Variants in HS6ST3 observed in about 807,000 individuals in gnomAD.
HS6ST3 encodes heparan-sulfate 6-O-sulfotransferase 3.
A neutral mutation model predicts 36.7 loss-of-function variants in HS6ST3; 12 were observed. That is an observed-to-expected ratio of 0.33 (90% CI 0.21 to 0.53). The LOEUF is 0.53. Ranked by LOEUF, HS6ST3 falls within the 20% of genes least tolerant of loss-of-function variation. The pLI is 0.95. For missense variants in HS6ST3, 584 were observed against 640.9 expected, an observed-to-expected ratio of 0.91 and a Z score of 0.96; for synonymous variants, 240 against 257.5, an observed-to-expected ratio of 0.93 and a Z score of 0.65.
chr13:96,698,683 A>T (rs1875199348), intron 1 of HS6ST3, among the ~76,000 whole-genome samples: 1 of 152,178 alleles, frequency 6.6e-6, no homozygotes, highest in South Asian at 2.1e-4. Flanking sequence ...CATACTGCCC[A>T]AGGTAATTTA....
At chr13:96,310,060 T>A (rs1233321163) in intron 1 of HS6ST3, among the ~76,000 whole-genome samples, 1 of 152,190 alleles carries the variant, frequency 6.6e-6, no homozygotes, top group Non-Finnish European at 1.5e-5. Context: ...TTACAAGATT[T>A]TATTTTCTTC....
chr13:96,161,289 A>G (rs1254940353), intron 1 of HS6ST3, among the ~76,000 whole-genome samples: 2 of 152,204 alleles, frequency 1.3e-5, no homozygotes, highest in Admixed American at 1.3e-4. Context: ...AGAAATGTCT[A>G]TAACAGATGG....
intron 1 of HS6ST3, among the ~76,000 whole-genome samples, chr13:96,205,825 G>A (rs1039409857): frequency 6.6e-6 from 1 of 151,998 alleles, no homozygotes; most frequent in Admixed American, 6.6e-5. Context: ...AAAATATTAA[G>A]AGCCATATAT....
chr13:96,654,258 G>T lies in HS6ST3; in HGVS notation c.708-178232G>T, dbSNP rs962630714. On this transcript the variant is annotated intron_variant, in intron 1 of 1. Transcript: ENST00000376705. ...TTGGCTTTTGTTGCCATTGCTTTTG[G>T]TGTTTTAGTCATTAAGTCTTTGTCC... is the stretch of plus-strand genomic sequence containing the variant. Among the ~76,000 whole-genome samples, 3 of 152,204 alleles carry T rather than the reference G, an allele frequency of 2.0e-5. No homozygotes were observed. The East Asian group carries it at 5.8e-4, about 29-fold the overall frequency.
At position 96,330,822 on chromosome 13, in the gene HS6ST3, A is replaced by G. The variant is rs1313709600; in HGVS notation, c.707+239253A>G. On this transcript the variant is annotated intron_variant, in intron 1 of 1. Transcript: ENST00000376705. ...CTCCCCATCACTTTCAGGTACACCA[A>G]TCAGATGTAGATTTGGTCTTTTCAC... Among the ~76,000 whole-genome samples the G allele has an allele frequency of 9.3e-5, 14 of 150,908 alleles. No homozygotes were observed. In the East Asian group the frequency reaches 1.2e-3, roughly 13 times the overall value.
chr13:96,474,969 C>A (rs1156682131), intron 1 of HS6ST3, among the ~76,000 whole-genome samples: 2 of 152,108 alleles, frequency 1.3e-5, no homozygotes, highest in Non-Finnish European at 2.9e-5. Context: ...GCTATTGAAG[C>A]ATGTTATCTT....
At chr13:96,508,648 A>T (rs1207388158) in intron 1 of HS6ST3, among the ~76,000 whole-genome samples, 1 of 151,996 alleles carries the variant, frequency 6.6e-6, no homozygotes, top group Non-Finnish European at 1.5e-5. Flanking sequence ...TCACTCCTGT[A>T]TTACTTCACT....
intron 1 of HS6ST3, among the ~76,000 whole-genome samples, chr13:96,382,317 A>T (rs1430339167): frequency 6.6e-6 from 1 of 152,028 alleles, no homozygotes; most frequent in East Asian, 1.9e-4. Context: ...TTTCATTGCA[A>T]CTCTATTTCT....
intron 1 of HS6ST3, among the ~76,000 whole-genome samples, chr13:96,647,450 A>G (rs2056592536): frequency 6.6e-6 from 1 of 151,976 alleles, no homozygotes; most frequent in Non-Finnish European, 1.5e-5. Flanking sequence ...TCCTTTCCTA[A>G]TGCCCTTTTT....
rs79867818 is a variant in HS6ST3, at chr13:96,435,880, A to G, written c.707+344311A>G. The stretch of plus-strand genomic sequence containing the variant: ...TTCCCATTGACTTTCAAACAATGAA[A>G]TCTGTCTTTAATGATCTCAACTATA... On this transcript the variant is annotated intron_variant, in intron 1 of 1. Transcript: ENST00000376705. Among the ~76,000 whole-genome samples, 581 of 152,292 alleles carry G rather than the reference A, an allele frequency of 3.8e-3. 4 individuals carry two copies. Among genetic ancestry groups the G allele is most frequent in the African/African-American group, 0.013 (560 of 41,552 alleles).
At chr13:96,781,461 C>T (rs1877525997) in intron 1 of HS6ST3, among the ~76,000 whole-genome samples, 1 of 152,216 alleles carries the variant, frequency 6.6e-6, no homozygotes. Context: ...GAAGAGCCAA[C>T]AACGAAGCTT....
chr13:96,284,697 A>T (rs894859572), intron 1 of HS6ST3, among the ~76,000 whole-genome samples: 1 of 152,190 alleles, frequency 6.6e-6, no homozygotes, highest in East Asian at 1.9e-4. Context: ...AATATTAACC[A>T]TCACAGGTTG....
intron 1 of HS6ST3, among the ~76,000 whole-genome samples, chr13:96,226,056 C>T (rs1251766634): frequency 5.9e-5 from 9 of 152,112 alleles, no homozygotes; most frequent in African/African-American, 1.9e-4. Flanking sequence ...TCAGTGAAGA[C>T]ACAACCTCAA....
intron 1 of HS6ST3, among the ~76,000 whole-genome samples, chr13:96,163,048 A>G (rs1386150540): frequency 6.6e-6 from 1 of 152,080 alleles, no homozygotes. Context: ...ACTTCTAACA[A>G]GGGGTGGAAT....
intron 1 of HS6ST3, among the ~76,000 whole-genome samples, chr13:96,709,456 T>C (rs1176716799): frequency 6.6e-6 from 1 of 152,194 alleles, no homozygotes; most frequent in Non-Finnish European, 1.5e-5. Context: ...GTTTGAATTT[T>C]TGTGTCCTCC....
At chr13:96,789,333 C>T (rs1447802748) in intron 1 of HS6ST3, among the ~76,000 whole-genome samples, 1 of 151,710 alleles carries the variant, frequency 6.6e-6, no homozygotes, top group African/African-American at 2.4e-5. Context: ...TTGTTGTCTT[C>T]ATATGTATTA....
At chr13:96,270,886 C>T (rs2054716429) in intron 1 of HS6ST3, among the ~76,000 whole-genome samples, 1 of 151,842 alleles carries the variant, frequency 6.6e-6, no homozygotes, top group South Asian at 2.1e-4. Flanking sequence ...TATGCTTTTC[C>T]TTCCCTGGAA....
At chr13:96,387,686 T>C (rs1194832204) in intron 1 of HS6ST3, among the ~76,000 whole-genome samples, 2 of 152,194 alleles carry the variant, frequency 1.3e-5, no homozygotes, top group Admixed American at 1.3e-4. Flanking sequence ...ACCAACTAAA[T>C]TGCTCCAATT....
At chr13:96,419,897 T>C (rs985603695) in intron 1 of HS6ST3, among the ~76,000 whole-genome samples, 1 of 152,166 alleles carries the variant, frequency 6.6e-6, no homozygotes, top group African/African-American at 2.4e-5. Flanking sequence ...TCATCTTAAA[T>C]TGATTGCACC....
Sources: gnomAD v4.1 joint callset for allele counts (sites outside exome capture counted in the v4.1 genomes callset) on GRCh38, gnomAD v4.1.1 for gene constraint, MANE v1.5 for transcripts, NCBI Gene and HGNC (gene_info 2026-07-23, HGNC 2026-07-21) for gene names.